Variants in DMD observed in about 807,000 individuals in gnomAD.
DMD encodes the protein dystrophin.
DMD carries 63 observed loss-of-function variants against 330.1 expected under a neutral mutation model. That is an observed-to-expected ratio of 0.19 (90% CI 0.16 to 0.24). The LOEUF (loss-of-function observed/expected upper bound fraction) is 0.24, where lower values mean the gene tolerates loss of function less well. Ranked by LOEUF, DMD falls within the 10% of genes least tolerant of loss-of-function variation. The pLI, the probability that DMD is intolerant of heterozygous loss-of-function variation, is 1.00. For missense variants in DMD, 3,344 were observed against 2,684.1 expected, an observed-to-expected ratio of 1.25 and a Z score of -5.43; for synonymous variants, 1,223 against 959.8, an observed-to-expected ratio of 1.27 and a Z score of -5.07.
At chrX:32,240,858 G>C (rs750365199) in intron 43 of DMD, among the ~76,000 whole-genome samples, 2 of 111,530 alleles carry the variant, frequency 1.8e-5, no homozygotes, top group East Asian at 5.7e-4. Flanking sequence ...ACTACCCTGA[G>C]CTGGGGACAT....
chrX:31,444,351 T>G (rs1015406233), intron 60 of DMD, 130 bp downstream of exon 60: 5 of 759,715 alleles, frequency 6.6e-6, no homozygotes, highest in Admixed American at 5.8e-5. Flanking sequence ...TAAACTAATA[T>G]AAAATATCCT....
At chrX:31,801,460 G>C (rs1262916008) in intron 50 of DMD, among the ~76,000 whole-genome samples, 3 of 110,769 alleles carry the variant, frequency 2.7e-5, no homozygotes, top group East Asian at 2.8e-4. Flanking sequence ...ATTGGTCAAA[G>C]GGCACAAACT....
At chrX:32,673,560 A>C (rs2061766792) in intron 9 of DMD, among the ~76,000 whole-genome samples, 1 of 112,061 alleles carries the variant, frequency 8.9e-6, no homozygotes, top group Non-Finnish European at 1.9e-5. Context: ...TTGTATTTTT[A>C]CTCCAAATCG....
At chrX:32,613,649 T>C (rs1044153564) in intron 12 of DMD, among the ~76,000 whole-genome samples, 3 of 110,934 alleles carry the variant, frequency 2.7e-5, no homozygotes, top group Non-Finnish European at 5.7e-5. Flanking sequence ...AGCCTTATTA[T>C]TTAAATTTGC....
At chrX:32,842,177 C>T (rs1017012086) in intron 4 of DMD, among the ~76,000 whole-genome samples, 1 of 112,075 alleles carries the variant, frequency 8.9e-6, no homozygotes, top group African/African-American at 3.2e-5. Context: ...GATGCTGTTT[C>T]ACTGAGTCAG....
intron 1 of DMD, among the ~76,000 whole-genome samples, chrX:33,289,997 A>G (rs1753963112): frequency 8.9e-6 from 1 of 111,781 alleles, no homozygotes. Context: ...CATGACATGA[A>G]TAAAAAACAA....
chrX:32,736,249 T>TA (rs1332048878), intron 7 of DMD, among the ~76,000 whole-genome samples: 2 of 111,184 alleles, frequency 1.8e-5, no homozygotes, highest in Non-Finnish European at 3.8e-5. Flanking sequence ...TGGCGATCAT[T>TA]AAAAAGTCAG....
chrX:32,607,815 T>C (rs768621471), intron 12 of DMD, among the ~76,000 whole-genome samples: 13 of 110,726 alleles, frequency 1.2e-4, no homozygotes, highest in Admixed American at 3.9e-4. Flanking sequence ...TTATTAATTT[T>C]GTATTACCTA....
chrX:31,648,609 G>A (rs1217511730), intron 54 of DMD, among the ~76,000 whole-genome samples: 2 of 49,547 alleles, frequency 4.0e-5, no homozygotes, highest in East Asian at 1.4e-3. Context: ...CGGGGTGAAA[G>A]GGAGCTGCAA....
At chrX:32,971,373 A>C (rs1052769978) in intron 2 of DMD, among the ~76,000 whole-genome samples, 1 of 111,923 alleles carries the variant, frequency 8.9e-6, no homozygotes, top group Admixed American at 9.6e-5. Context: ...ACTGGAGAAT[A>C]ATTTTTTTAA....
At position 32,491,222 on chromosome X, in the gene DMD, T is replaced by C. The variant is rs938460369; in HGVS notation, c.2622+55A>G. 2.3e-5 allele frequency: 27 copies of C among 1,191,296 alleles called. No individual in the cohort carries two copies. In the East Asian group the frequency reaches 3.0e-4, roughly 13 times the overall value. On this transcript the variant is annotated intron_variant, in intron 20 of 78. Coordinates refer to ENST00000357033, the MANE Select transcript of DMD (RefSeq NM_004006.3). ...TAATTTGTTACTGTCTTCTTGGAAA[T>C]TGCCAAGAAATACCTATTGATTATG... is the stretch of plus-strand genomic sequence containing the variant.
intron 63 of DMD, among the ~76,000 whole-genome samples, chrX:31,260,501 G>A (rs1377555973): frequency 9.0e-6 from 1 of 111,497 alleles, no homozygotes; most frequent in Non-Finnish European, 1.9e-5. Context: ...TTAATGACCC[G>A]CCAGGCCTTA....
intron 7 of DMD, among the ~76,000 whole-genome samples, chrX:32,717,174 A>G (rs1036843536): frequency 2.7e-5 from 3 of 111,790 alleles, no homozygotes; most frequent in Non-Finnish European, 5.6e-5. Context: ...TAACCAAGAC[A>G]AAGGGGAAAA....
At chrX:31,206,344 T>C (rs1237525406) in intron 66 of DMD, among the ~76,000 whole-genome samples, 1 of 112,435 alleles carries the variant, frequency 8.9e-6, no homozygotes, top group East Asian at 2.8e-4. Flanking sequence ...ACACAGTCAA[T>C]GTAATGTAAA....
chrX:32,364,850 T>C (rs777622119), intron 35 of DMD, 140 bp from the exon 36 acceptor site: 57 of 748,224 alleles, frequency 7.6e-5, no homozygotes, highest in Non-Finnish European at 1.1e-4. Context: ...ATATAGAATA[T>C]TGCGTAAATA....
At chrX:31,398,113 T>C (rs1302597321) in intron 60 of DMD, among the ~76,000 whole-genome samples, 1 of 112,541 alleles carries the variant, frequency 8.9e-6, no homozygotes, top group African/African-American at 3.2e-5. Context: ...TCATCTCATT[T>C]AATCCTCACT....
chrX:32,251,046 G>T (rs966338382), intron 43 of DMD, among the ~76,000 whole-genome samples: 21 of 109,973 alleles, frequency 1.9e-4, no homozygotes, highest in Admixed American at 5.9e-4. Context: ...TGTTGGGGGT[G>T]GGGGGCTAGG....
intron 42 of DMD, among the ~76,000 whole-genome samples, chrX:32,307,407 C>A (rs920098733): frequency 9.0e-6 from 1 of 111,329 alleles, no homozygotes; most frequent in African/African-American, 3.3e-5. Context: ...ACGGGGGATG[C>A]AGAACTTTAA....
chrX:33,033,717 C>CA (rs199699033), intron 1 of DMD, among the ~76,000 whole-genome samples: 1,449 of 96,941 alleles, frequency 0.015, 39 homozygotes, highest in East Asian at 0.074. Context: ...GACTCCGTCT[C>CA]AAAAAAAAAA....
Sources: allele counts gnomAD v4.1 joint callset (sites outside exome capture counted in the v4.1 genomes callset), GRCh38; gene constraint gnomAD v4.1.1; transcripts MANE v1.5; gene names NCBI Gene and HGNC (gene_info 2026-07-23, HGNC 2026-07-21).